Variants in PGM2L1 observed in about 807,000 individuals in gnomAD.
The protein encoded by PGM2L1 is glucose 1,6-bisphosphate synthase.
A neutral mutation model predicts 73.4 loss-of-function variants in PGM2L1; 35 were observed. That is an observed-to-expected ratio of 0.48 (90% CI 0.36 to 0.63). The LOEUF (loss-of-function observed/expected upper bound fraction) is 0.63. Among genes scored for constraint, PGM2L1 ranks in the 30% least tolerant of loss-of-function variants. The probability of loss-of-function intolerance (pLI) is 0.00; values close to 1 mark genes in which losing one functional copy is unlikely to be tolerated. For missense variants in PGM2L1, 570 were observed against 742.0 expected (o/e 0.77, Z 2.69); for synonymous variants, 225 against 253.8 (o/e 0.89, Z 1.08).
intron 5 of PGM2L1, among the ~76,000 whole-genome samples, chr11:74,362,338 A>T (rs1862577275): frequency 6.6e-6 from 1 of 152,232 alleles, no homozygotes; most frequent in Non-Finnish European, 1.5e-5. Flanking sequence ...CAGACAAGCA[A>T]ATGCTGAGAG....
Position 74,347,137 on chromosome 11 carries a change from TA to T in PGM2L1, c.939+10del. On this transcript the variant is annotated intron_variant, in intron 7 of 13. Coordinates refer to ENST00000298198, the MANE Select transcript of PGM2L1 (RefSeq NM_173582.6). ...ATAAACTAATAATAATTTAAATATT[TA>T]AAAAAATACCAGCACAGATTCTCCT... The T allele has an allele frequency of 1.3e-6, 2 of 1,524,084 alleles. No homozygotes were observed. The highest frequency in any genetic ancestry group is 8.8e-7 in the Non-Finnish European group (1 of 1,136,852). The allele number at this position is 1,524,084 out of a possible 1,614,324, so 94.4% of individuals were successfully genotyped here.
chr11:74,339,719 C>T (rs945608736), intron 12 of PGM2L1, among the ~76,000 whole-genome samples: 4 of 152,218 alleles, frequency 2.6e-5, no homozygotes, highest in Non-Finnish European at 5.9e-5. Context: ...TCAAAACCCA[C>T]TCATCATGCA....
At chr11:74,344,305 T>A (rs1862230430) in intron 9 of PGM2L1, among the ~76,000 whole-genome samples, 1 of 152,204 alleles carries the variant, frequency 6.6e-6, no homozygotes, top group African/African-American at 2.4e-5. Context: ...GTCATGAAGC[T>A]TTTTAGTGAT....
chr11:74,342,411 A>G, intron 12 of PGM2L1, 50 bp downstream of exon 12: 1 of 1,361,584 alleles, frequency 7.3e-7, no homozygotes, highest in East Asian at 2.5e-5. Flanking sequence ...TTTTGGTGAC[A>G]TGAGCCATGA....
chr11:74,379,700 G>A (rs551597467), intron 1 of PGM2L1, among the ~76,000 whole-genome samples: 1 of 152,016 alleles, frequency 6.6e-6, no homozygotes, highest in Admixed American at 6.6e-5. Context: ...GAGGTGGATG[G>A]CTCACCTGAG....
At position 74,332,851 on chromosome 11, in the gene PGM2L1, T is replaced by G. The variant is rs1407861695; in HGVS notation, c.*3801A>C. The G allele has an allele frequency of 6.6e-6, 1 of 152,554 alleles. No homozygotes were observed. The highest frequency in any genetic ancestry group is 2.4e-5 in the African/African-American group (1 of 41,434). 9.5% of individuals were successfully genotyped at this position (152,554 alleles called of 1,614,324 possible). ...GTATCTACATCAAAATAACAACATATATATTCAAAACGAAAACCTCAAATA... is the reference window on the plus strand; with the variant it reads ...GTATCTACATCAAAATAACAACATAGATATTCAAAACGAAAACCTCAAATA... On this transcript the variant is annotated 3_prime_UTR_variant, in exon 14 of 14. Coordinates refer to ENST00000298198, the MANE Select transcript of PGM2L1 (RefSeq NM_173582.6).
chr11:74,374,611 C>A, intron 1 of PGM2L1, 29 bp from the exon 2 acceptor site: 1 of 1,595,840 alleles, frequency 6.3e-7, no homozygotes, highest in South Asian at 1.1e-5. Context: ...AAAACTTAAC[C>A]AGGAATCCAA....
In PGM2L1 at chr11:74,345,553, A is replaced by G. The variant is rs1016784315; in HGVS notation, c.1134T>C (p.Asp378=). 4 of 1,613,524 alleles carry G rather than the reference A, an allele frequency of 2.5e-6. No individual in the cohort carries two copies. Among genetic ancestry groups the G allele is most frequent in the African/African-American group, 1.3e-5 (1 of 75,052 alleles). The change falls in exon 9 of 14, where the codon GAT becomes GAC. Residue 378 remains aspartate (D), a synonymous_variant. Coordinates refer to ENST00000298198, the MANE Select transcript of PGM2L1 (RefSeq NM_173582.6). ...CWKKNKSRNA[D]VKNVYMLATT... is the part of the protein sequence containing the mutation. Reference sequence around the variant, plus strand: ...TGGCTAACATATAAACGTTCTTCACATCAGCATTTCTTGATTTATTTTTCT... The same window carrying G: ...TGGCTAACATATAAACGTTCTTCACGTCAGCATTTCTTGATTTATTTTTCT...
intron 1 of PGM2L1, among the ~76,000 whole-genome samples, chr11:74,381,849 T>G (rs1862951734): frequency 6.6e-6 from 1 of 152,088 alleles, no homozygotes; most frequent in South Asian, 2.1e-4. Context: ...AGTTCAGTAT[T>G]AGACTTACTG....
At chr11:74,355,574 AAAAAAT>A in intron 5 of PGM2L1, 13 of 234,432 alleles carry the variant, frequency 5.5e-5, no homozygotes, top group East Asian at 3.1e-4. Context: ...AAAAAAAAAA[AAAAAAT>A]TTGGATCCAT....
chr11:74,380,367 TTTCC>T (rs61703319), intron 1 of PGM2L1, among the ~76,000 whole-genome samples: 89,262 of 151,506 alleles, frequency 0.59, 28,340 homozygotes, highest in East Asian at 0.8. Context: ...CCAATCATTC[TTTCC>T]TATTTAAATA....
rs2134868251 is a variant in PGM2L1 at position 74,331,679 on chromosome 11, T to C, written c.*4973A>G. 1 of 152,342 alleles carries C rather than the reference T, an allele frequency of 6.6e-6. No homozygotes were observed. Among genetic ancestry groups the C allele is most frequent in the East Asian group, 1.9e-4 (1 of 5,192 alleles). 9.4% of individuals were successfully genotyped at this position (152,342 alleles called of 1,614,324 possible). A position where few individuals can be genotyped will look rare whatever the true frequency, so the allele number is the denominator to read the frequency against. ...CCACGTGATGAACATGGTGCTCCTT[T>C]GTGGTGGCATAAGTTTCAGTAAAGA... On this transcript the variant is annotated 3_prime_UTR_variant, in exon 14 of 14. Coordinates refer to ENST00000298198, the MANE Select transcript of PGM2L1 (RefSeq NM_173582.6).
In PGM2L1 at chr11:74,381,571, C is replaced by CTT. The variant is rs1195996518; in HGVS notation, c.112-6991_112-6990dup. Among the ~76,000 whole-genome samples the CTT allele has an allele frequency of 6.6e-3, 629 of 95,336 alleles. 6 individuals are homozygous for CTT. Among genetic ancestry groups the CTT allele is most frequent in the Non-Finnish European group, 7.9e-3 (395 of 49,754 alleles). The allele number at this position is 95,336 out of a possible 152,430, so 62.5% of individuals were successfully genotyped here. On this transcript the variant is annotated intron_variant, in intron 1 of 13. Transcript: ENST00000298198. ...GTTTTTTGTTTGTTTGTGTTTTTGT[C>CTT]TTTTTTTTTTTTTTTTTTTTTTTTT...
At chr11:74,358,500 A>T (rs1052792083) in intron 5 of PGM2L1, among the ~76,000 whole-genome samples, 1 of 152,340 alleles carries the variant, frequency 6.6e-6, no homozygotes, top group South Asian at 2.1e-4. Flanking sequence ...ATACAGGATA[A>T]AGGCCGTCAT....
chr11:74,356,306 A>G (rs1173841102), intron 5 of PGM2L1, among the ~76,000 whole-genome samples: 1 of 152,234 alleles, frequency 6.6e-6, no homozygotes, highest in East Asian at 1.9e-4. Context: ...TATTGGTTAT[A>G]AAAATGATTG....
Position 74,346,976 on chromosome 11 carries a change from C to A in PGM2L1, c.940-147G>T. On this transcript the variant is annotated intron_variant, in intron 7 of 13. Coordinates refer to ENST00000298198, the MANE Select transcript of PGM2L1 (RefSeq NM_173582.6). ...TAAAACAAGAAGCCAAAAGTAGGGA[C>A]ACCCACCATAGACATTTCAAACAAA... 3.2e-6 allele frequency: 3 copies of A among 943,780 alleles called. No homozygotes were observed. In the East Asian group the frequency reaches 7.7e-5, roughly 24 times the overall value. 58.5% of individuals were successfully genotyped at this position (943,780 alleles called of 1,614,324 possible).
At position 74,350,072 on chromosome 11, in the gene PGM2L1, T is replaced by C. The variant is rs1269972308; in HGVS notation, c.749+1311A>G. 2.0e-5 allele frequency among the ~76,000 whole-genome samples: 3 copies of C among 152,054 alleles called. No homozygotes were observed. In the East Asian group the frequency reaches 5.8e-4, roughly 29 times the overall value. ...AATTTGCTTTTGCCCATATACTCTT[T>C]AAAAAACAAAAATGTAAATAAGAAA... On this transcript the variant is annotated intron_variant, in intron 6 of 13. Transcript: ENST00000298198.
intron 4 of PGM2L1, among the ~76,000 whole-genome samples, chr11:74,370,564 C>T (rs1862736585): frequency 6.6e-6 from 1 of 152,148 alleles, no homozygotes; most frequent in Admixed American, 6.6e-5. Flanking sequence ...TTTTTACACA[C>T]ATACACACAC....
chr11:74,345,680 A>C (rs776281023), intron 8 of PGM2L1, 31 bp from the exon 9 acceptor site: 8 of 1,587,654 alleles, frequency 5.0e-6, no homozygotes, highest in Non-Finnish European at 1.7e-6. Context: ...CAATGTCAAG[A>C]CCTTTCTTCT....
Sources: allele counts gnomAD v4.1 joint callset (sites outside exome capture counted in the v4.1 genomes callset), GRCh38; gene constraint gnomAD v4.1.1; transcripts MANE v1.5; gene names NCBI Gene and HGNC (gene_info 2026-07-23, HGNC 2026-07-21).